MYO3B: variants seen among roughly 807,000 people sequenced by gnomAD.
The protein encoded by MYO3B is myosin IIIB.
MYO3B carries 156 observed loss-of-function variants against 174.6 expected under a neutral mutation model. The observed-to-expected ratio is 0.89, with a 90% CI of 0.78 to 1.02. MYO3B has a LOEUF of 1.02. MYO3B is among the 50% of genes least tolerant of loss of function. The probability of loss-of-function intolerance (pLI) is 0.00; values close to 1 mark genes in which losing one functional copy is unlikely to be tolerated. For synonymous variants in MYO3B, 563 were observed against 569.1 expected, an observed-to-expected ratio of 0.99 and a Z score of 0.15; for missense variants, 1,632 against 1,639.4, an observed-to-expected ratio of 1.00 and a Z score of 0.08.
At chr2:170,492,053 CA>C (rs60053193) in intron 25 of MYO3B, among the ~76,000 whole-genome samples, 15,951 of 111,024 alleles carry the variant, frequency 0.14, 1,266 homozygotes, top group East Asian at 0.48. Flanking sequence ...GACTCCGTCT[CA>C]AAAAAAAAAA....
chr2:170,654,977 T>C lies in MYO3B; in HGVS notation c.*1856T>C, dbSNP rs1699205181. On this transcript the variant is annotated 3_prime_UTR_variant, in exon 35 of 35. Transcript: ENST00000408978. The stretch of plus-strand genomic sequence containing the variant: ...TATAAATTTTTTATGTTACTGTTAA[T>C]ATACGAGTGCTTTTGGAAGTTTCAC... 6.6e-6 allele frequency: 1 copy of C among 152,202 alleles called. No homozygotes were observed. The highest frequency in any genetic ancestry group is 2.4e-5 in the African/African-American group (1 of 41,448). 9.4% of individuals were successfully genotyped at this position (152,202 alleles called of 1,614,324 possible). A position where few individuals can be genotyped will look rare whatever the true frequency, so the allele number is the denominator to read the frequency against.
intron 7 of MYO3B, among the ~76,000 whole-genome samples, chr2:170,259,954 C>A (rs1454525625): frequency 1.4e-5 from 2 of 148,100 alleles, no homozygotes; most frequent in Non-Finnish European, 3.0e-5. Context: ...AAGCAGCCAA[C>A]AAACATGAAA....
chr2:170,266,547 A>G (rs1265465304), intron 7 of MYO3B, among the ~76,000 whole-genome samples: 2 of 152,170 alleles, frequency 1.3e-5, no homozygotes, highest in Non-Finnish European at 2.9e-5. Context: ...TGTGCTTTGC[A>G]TATAGAAATG....
chr2:170,268,081 G>A (rs191941145), intron 7 of MYO3B, among the ~76,000 whole-genome samples: 44 of 152,208 alleles, frequency 2.9e-4, no homozygotes, highest in South Asian at 8.3e-4. Context: ...GTGGTGGCAG[G>A]CACCTGTAAT....
intron 30 of MYO3B, among the ~76,000 whole-genome samples, chr2:170,542,544 T>C (rs1438979865): frequency 2.0e-5 from 3 of 152,236 alleles, no homozygotes; most frequent in Admixed American, 6.5e-5. Flanking sequence ...ACTGTGAATG[T>C]GATTCATGTG....
chr2:170,619,321 C>T (rs1695693334), intron 32 of MYO3B, among the ~76,000 whole-genome samples: 1 of 152,168 alleles, frequency 6.6e-6, no homozygotes, highest in South Asian at 2.1e-4. Context: ...ACATCACGTG[C>T]AGTTGGCTCA....
intron 32 of MYO3B, among the ~76,000 whole-genome samples, chr2:170,560,095 C>T (rs78758026): frequency 7.2e-4 from 110 of 152,262 alleles, no homozygotes; most frequent in Admixed American, 2.0e-3. Context: ...TCTTCCATTG[C>T]GAATCACTTT....
chr2:170,473,327 T>C (rs1260375005), intron 25 of MYO3B, among the ~76,000 whole-genome samples: 2 of 151,910 alleles, frequency 1.3e-5, no homozygotes, highest in Non-Finnish European at 2.9e-5. Context: ...GTATTTTTTT[T>C]AGTAGAGACG....
At position 170,200,404 on chromosome 2, in the gene MYO3B, C is replaced by G. The variant is rs1465348007; in HGVS notation, c.321+120C>G. 7.6e-6 allele frequency: 8 copies of G among 1,056,608 alleles called. No homozygotes were observed. The Admixed American group carries it at 1.3e-4, about 17-fold the overall frequency. 65.5% of individuals were successfully genotyped at this position (1,056,608 alleles called of 1,614,324 possible). On this transcript the variant is annotated intron_variant, in intron 3 of 34. Transcript: ENST00000408978. ...TGAGGAGTAGGTCCCTCCTGCATGT[C>G]ACAGGTACCTCACCAGATGTGACAT... is the stretch of plus-strand genomic sequence containing the variant.
At chr2:170,439,095 A>G (rs1315905276) in intron 22 of MYO3B, among the ~76,000 whole-genome samples, 2 of 137,208 alleles carry the variant, frequency 1.5e-5, no homozygotes, top group Non-Finnish European at 3.1e-5. Flanking sequence ...TTTTTGGGCC[A>G]GGCATGATGG....
intron 7 of MYO3B, among the ~76,000 whole-genome samples, chr2:170,249,505 A>G (rs1377830524): frequency 2.0e-5 from 3 of 152,358 alleles, no homozygotes; most frequent in African/African-American, 4.8e-5. Flanking sequence ...GTGGTCTCCA[A>G]TGCAGGAGCA....
At chr2:170,406,020 T>TACTTTAA (rs1251559250) in intron 21 of MYO3B, among the ~76,000 whole-genome samples, 1 of 152,212 alleles carries the variant, frequency 6.6e-6, no homozygotes, top group Non-Finnish European at 1.5e-5. Context: ...CAATTTTTAG[T>TACTTTAA]ACTTTAATCA....
At chr2:170,257,323 C>T (rs1051361102) in intron 7 of MYO3B, among the ~76,000 whole-genome samples, 1 of 152,046 alleles carries the variant, frequency 6.6e-6, no homozygotes, top group African/African-American at 2.4e-5. Flanking sequence ...CTCTGATCAA[C>T]TGCATTCTCA....
At chr2:170,565,083 C>A (rs374957808) in intron 32 of MYO3B, among the ~76,000 whole-genome samples, 4 of 152,126 alleles carry the variant, frequency 2.6e-5, no homozygotes, top group African/African-American at 9.7e-5. Context: ...GTGCAAGTGA[C>A]CATGACTCCA....
At chr2:170,450,751 A>C (rs1683554360) in intron 23 of MYO3B, among the ~76,000 whole-genome samples, 1 of 152,228 alleles carries the variant, frequency 6.6e-6, no homozygotes, top group Non-Finnish European at 1.5e-5. Flanking sequence ...TTTGACCATA[A>C]GGTAAGATTT....
intron 8 of MYO3B, among the ~76,000 whole-genome samples, chr2:170,355,488 C>T (rs1264427084): frequency 2.0e-5 from 3 of 152,194 alleles, no homozygotes; most frequent in Non-Finnish European, 4.4e-5. Flanking sequence ...TATCTAATCT[C>T]CTAGCCCCAC....
intron 7 of MYO3B, among the ~76,000 whole-genome samples, chr2:170,259,705 C>T (rs1023774568): frequency 2.0e-5 from 3 of 152,064 alleles, no homozygotes; most frequent in African/African-American, 7.2e-5. Context: ...ACAAGTGGGA[C>T]ATAATTAAAC....
chr2:170,413,053 G>A (rs1268353717), intron 22 of MYO3B, among the ~76,000 whole-genome samples: 3 of 152,176 alleles, frequency 2.0e-5, no homozygotes, highest in Non-Finnish European at 4.4e-5. Flanking sequence ...GATCAATAGT[G>A]CCAAATCCCA....
In MYO3B at chr2:170,208,740, A is replaced by C. The variant is rs114805184; in HGVS notation, c.322-5639A>C. ...CCAGTCCCTCATTTTTTTGTTAAAA[A>C]AAAATCAGGACTGAGTTGCTGGCAA... On this transcript the variant is annotated intron_variant, in intron 3 of 34. Coordinates refer to ENST00000408978, the MANE Select transcript of MYO3B (RefSeq NM_138995.5). Among the ~76,000 whole-genome samples, 325 of 152,340 alleles carry C rather than the reference A, an allele frequency of 2.1e-3. 1 individual carries two copies. Among genetic ancestry groups the C allele is most frequent in the African/African-American group, 7.4e-3 (306 of 41,582 alleles).
Sources: allele counts gnomAD v4.1 joint callset (sites outside exome capture counted in the v4.1 genomes callset), GRCh38; gene constraint gnomAD v4.1.1; transcripts MANE v1.5; gene names NCBI Gene and HGNC (gene_info 2026-07-23, HGNC 2026-07-21).